DTNB: variants seen among roughly 807,000 people sequenced by gnomAD.
DTNB encodes DTN-B.
Under a neutral mutation model 90.7 loss-of-function variants are expected in DTNB, and 63 were observed. That is an observed-to-expected ratio of 0.69 (90% CI 0.57 to 0.86). The LOEUF (loss-of-function observed/expected upper bound fraction) is 0.86. Ranked by LOEUF, DTNB falls within the 40% of genes least tolerant of loss-of-function variation. The probability of loss-of-function intolerance (pLI) is 0.00; values close to 1 mark genes in which losing one functional copy is unlikely to be tolerated. For synonymous variants in DTNB, 277 were observed against 286.7 expected (o/e 0.97, Z 0.34); for missense variants, 744 against 807.1 (o/e 0.92, Z 0.95).
chr2:25,449,610 T>C (rs1392745539), intron 12 of DTNB, among the ~76,000 whole-genome samples: 1 of 152,222 alleles, frequency 6.6e-6, no homozygotes, highest in Non-Finnish European at 1.5e-5. Flanking sequence ...CTGGCATATC[T>C]TCTTTGTGGA....
chr2:25,538,525 C>A (rs966968885), intron 8 of DTNB, among the ~76,000 whole-genome samples: 2 of 152,150 alleles, frequency 1.3e-5, no homozygotes, highest in African/African-American at 4.8e-5. Flanking sequence ...GATCTCGGCT[C>A]ACTGCATCCT....
At chr2:25,632,180 G>A (rs1360054427) in intron 3 of DTNB, among the ~76,000 whole-genome samples, 2 of 128,406 alleles carry the variant, frequency 1.6e-5, no homozygotes, top group African/African-American at 5.8e-5. Flanking sequence ...GCCACAGAAC[G>A]TGACTCTGTC....
chr2:25,598,292 A>C (rs1459142731), intron 5 of DTNB, among the ~76,000 whole-genome samples: 1 of 152,164 alleles, frequency 6.6e-6, no homozygotes, highest in Non-Finnish European at 1.5e-5. Context: ...TTGATATAGA[A>C]ATCACTCTAG....
intron 1 of DTNB, among the ~76,000 whole-genome samples, chr2:25,669,749 G>A (rs938452914): frequency 3.3e-5 from 5 of 152,086 alleles, no homozygotes; most frequent in African/African-American, 1.2e-4. Context: ...GCTTTGGGAG[G>A]ATCACTTGCC....
chr2:25,627,741 T>C (rs1040863654), intron 4 of DTNB, among the ~76,000 whole-genome samples: 5 of 151,520 alleles, frequency 3.3e-5, no homozygotes, highest in Non-Finnish European at 5.9e-5. Flanking sequence ...TTTTCCTTTT[T>C]TTTTTTTTTT....
intron 10 of DTNB, among the ~76,000 whole-genome samples, chr2:25,462,371 A>G (rs563525566): frequency 2.0e-5 from 3 of 151,778 alleles, no homozygotes; most frequent in East Asian, 3.9e-4. Flanking sequence ...CAAGCCCCTG[A>G]CCTTGTCCTG....
intron 9 of DTNB, among the ~76,000 whole-genome samples, chr2:25,521,914 G>C (rs2076207410): frequency 6.6e-6 from 1 of 152,204 alleles, no homozygotes; most frequent in African/African-American, 2.4e-5. Flanking sequence ...CAGGGTAATA[G>C]ACACACTAAG....
intron 4 of DTNB, among the ~76,000 whole-genome samples, chr2:25,625,298 G>A (rs1280186898): frequency 6.6e-6 from 1 of 152,162 alleles, no homozygotes; most frequent in Admixed American, 6.5e-5. Context: ...AACATTTGAA[G>A]TATTTAACGA....
chr2:25,516,417 T>G (rs1023631174), intron 9 of DTNB, among the ~76,000 whole-genome samples: 1 of 151,998 alleles, frequency 6.6e-6, no homozygotes, highest in Non-Finnish European at 1.5e-5. Context: ...CCGCTAATTT[T>G]TTTGTATCTT....
rs1163138761 is a variant in DTNB, at chr2:25,451,640, C to T, written c.1170-5G>A. ...CGGCTAGGACTGTCCAGAACACTGC[C>T]AAGGAAATAAAAATGCAACAAGTGT... is the stretch of plus-strand genomic sequence containing the variant. On this transcript the variant is annotated splice_region_variant and splice_polypyrimidine_tract_variant and intron_variant, in intron 11 of 20. Coordinates refer to ENST00000406818, the MANE Select transcript of DTNB (RefSeq NM_021907.5). 1 of 1,574,190 alleles carries T rather than the reference C, an allele frequency of 6.4e-7. No homozygotes were observed. Among genetic ancestry groups the T allele is most frequent in the Admixed American group, 1.8e-5 (1 of 55,122 alleles).
chr2:25,558,575 T>C (rs931443641), intron 8 of DTNB, among the ~76,000 whole-genome samples: 11 of 152,336 alleles, frequency 7.2e-5, no homozygotes, highest in Non-Finnish European at 1.2e-4. Flanking sequence ...CAGGCTACAG[T>C]TGAAAAAATG....
intron 8 of DTNB, among the ~76,000 whole-genome samples, chr2:25,534,805 C>G (rs1338813602): frequency 1.4e-5 from 2 of 145,802 alleles, no homozygotes; most frequent in Non-Finnish European, 3.0e-5. Flanking sequence ...GTACTCCCCA[C>G]CTCCCAGACG....
chr2:25,390,056 T>A (rs1012243528), intron 16 of DTNB, among the ~76,000 whole-genome samples: 1 of 152,142 alleles, frequency 6.6e-6, no homozygotes, highest in Non-Finnish European at 1.5e-5. Flanking sequence ...TTCTTTCCTC[T>A]CCTCCCTTCA....
chr2:25,440,040 G>C (rs970288308), intron 12 of DTNB, among the ~76,000 whole-genome samples: 1 of 152,118 alleles, frequency 6.6e-6, no homozygotes, highest in Non-Finnish European at 1.5e-5. Context: ...AAAACTCAAG[G>C]AAGTTCCCAG....
At chr2:25,481,166 G>A (rs901059573) in intron 10 of DTNB, among the ~76,000 whole-genome samples, 1 of 152,002 alleles carries the variant, frequency 6.6e-6, no homozygotes, top group Non-Finnish European at 1.5e-5. Context: ...GGGAGTCTGA[G>A]GCAGTTGGAT....
intron 8 of DTNB, among the ~76,000 whole-genome samples, chr2:25,563,152 T>C (rs1297905519): frequency 6.6e-6 from 1 of 152,216 alleles, no homozygotes; most frequent in Non-Finnish European, 1.5e-5. Flanking sequence ...ACAGTAGTAG[T>C]GTTAAGTATG....
At chr2:25,388,412 GAGGA>G in intron 16 of DTNB, 51 bp from the exon 17 acceptor site, 1 of 1,540,386 alleles carries the variant, frequency 6.5e-7, no homozygotes, top group Non-Finnish European at 8.8e-7. Context: ...TGACCTCTTT[GAGGA>G]AGGAAGAAAG....
rs547286155 is a variant in DTNB at position 25,485,331 on chromosome 2, G to T, written c.1002-2458C>A. On this transcript the variant is annotated intron_variant, in intron 9 of 20. Transcript: ENST00000406818. The stretch of plus-strand genomic sequence containing the variant: ...CCACCTGCTATATTTCAATATTAAA[G>T]ATATCACTGCATTCAATTTCCTTTT... Among the ~76,000 whole-genome samples the T allele has an allele frequency of 1.5e-4, 23 of 152,152 alleles. 1 individual carries two copies. Among genetic ancestry groups the T allele is most frequent in the African/African-American group, 5.5e-4 (23 of 41,524 alleles).
chr2:25,430,884 C>T (rs958079957), intron 14 of DTNB, among the ~76,000 whole-genome samples: 2 of 152,086 alleles, frequency 1.3e-5, no homozygotes, highest in Non-Finnish European at 2.9e-5. Flanking sequence ...TTGTAAGCAA[C>T]GTACCATTAA....
Sources: allele counts gnomAD v4.1 joint callset (sites outside exome capture counted in the v4.1 genomes callset), GRCh38; gene constraint gnomAD v4.1.1; transcripts MANE v1.5; gene names NCBI Gene and HGNC (gene_info 2026-07-23, HGNC 2026-07-21).